TINAG: variants seen among roughly 807,000 people sequenced by gnomAD.
The protein encoded by TINAG is tubulointerstitial nephritis antigen.
In TINAG, 83 loss-of-function variants were observed where a neutral mutation model predicts 72.7. That is an observed-to-expected ratio of 1.14 (90% CI 0.96 to 1.37). The LOEUF (loss-of-function observed/expected upper bound fraction) is 1.37, where lower values mean the gene tolerates loss of function less well. Ranked by LOEUF, TINAG falls within the 40% of genes most tolerant of loss-of-function variation. The probability of loss-of-function intolerance (pLI) is 0.00; values close to 1 mark genes in which losing one functional copy is unlikely to be tolerated. For synonymous variants in TINAG, 234 were observed against 189.9 expected (o/e 1.23, Z -1.91); for missense variants, 685 against 576.6 (o/e 1.19, Z -1.93).
intron 10 of TINAG, among the ~76,000 whole-genome samples, chr6:54,387,452 A>G (rs1172650351): frequency 6.7e-6 from 1 of 149,044 alleles, no homozygotes; most frequent in Non-Finnish European, 1.5e-5. Context: ...TCCCAGAAAC[A>G]TTATTTTGAG....
intron 5 of TINAG, among the ~76,000 whole-genome samples, chr6:54,346,832 T>C (rs1040272496): frequency 6.6e-6 from 1 of 152,042 alleles, no homozygotes; most frequent in Non-Finnish European, 1.5e-5. Context: ...CCTGGGTAGT[T>C]AAATTAGATT....
Position 54,343,325 on chromosome 6 carries a change from G to A in TINAG, c.724G>A (p.Ala242Thr). 2 of 1,553,028 alleles carry A rather than the reference G, an allele frequency of 1.3e-6. No homozygotes were observed. Among genetic ancestry groups the A allele is most frequent in the Admixed American group, 1.8e-5 (1 of 55,400 alleles). Residue 242 changes from alanine to threonine, a missense_variant, in exon 5 of 11, where the codon GCA becomes ACA. Transcript: ENST00000259782. ...HGPLDQKNCAASWAFSTASVA... is the reference protein window; with the variant it reads ...HGPLDQKNCATSWAFSTASVA... ...CCCATTGGATCAAAAAAATTGTGCT[G>A]CATCCTGGGCATTTTCCACTGCAAG...
At chr6:54,334,595 C>A (rs745463878) in intron 4 of TINAG, among the ~76,000 whole-genome samples, 17 of 152,158 alleles carry the variant, frequency 1.1e-4, no homozygotes, top group Non-Finnish European at 2.4e-4. Flanking sequence ...TAAAGACAGG[C>A]AAATTGAGGT....
chr6:54,313,508 G>A (rs952207726), intron 1 of TINAG, among the ~76,000 whole-genome samples: 3 of 152,070 alleles, frequency 2.0e-5, no homozygotes, highest in African/African-American at 7.2e-5. Flanking sequence ...TTACTATGGA[G>A]CCAACAACTG....
intron 3 of TINAG, among the ~76,000 whole-genome samples, chr6:54,326,399 T>A (rs1469001196): frequency 1.3e-5 from 2 of 152,050 alleles, no homozygotes; most frequent in Non-Finnish European, 2.9e-5. Flanking sequence ...ACCTTGTCAA[T>A]TTCTTTTCAA....
At chr6:54,322,224 C>T (rs937710393) in intron 3 of TINAG, among the ~76,000 whole-genome samples, 1 of 152,132 alleles carries the variant, frequency 6.6e-6, no homozygotes. Flanking sequence ...ACAACAACCA[C>T]TGAAGCCTGG....
chr6:54,376,137 T>C lies in TINAG; in HGVS notation c.1251-4389T>C, dbSNP rs541928143. Among the ~76,000 whole-genome samples the C allele has an allele frequency of 3.9e-5, 6 of 152,270 alleles. No individual in the cohort carries two copies. In the East Asian group the frequency reaches 1.2e-3, roughly 29 times the overall value. Reference sequence around the variant, plus strand: ...TGTCAAGAAGAAATTTCTACTCAACTCTGAACAAAGTCATCTTTGCCTTTG... The same window carrying C: ...TGTCAAGAAGAAATTTCTACTCAACCCTGAACAAAGTCATCTTTGCCTTTG... On this transcript the variant is annotated intron_variant, in intron 9 of 10. Transcript: ENST00000259782.
intron 2 of TINAG, 121 bp from the exon 3 acceptor site, chr6:54,321,176 C>T (rs1253243477): frequency 1.3e-6 from 1 of 771,102 alleles, no homozygotes; most frequent in African/African-American, 1.8e-5. Flanking sequence ...ATCAAATAAC[C>T]ATATGGCTAA....
intron 4 of TINAG, among the ~76,000 whole-genome samples, chr6:54,335,633 GA>G (rs1206497007): frequency 1.3e-5 from 2 of 152,150 alleles, no homozygotes; most frequent in Non-Finnish European, 2.9e-5. Flanking sequence ...GGAAGCTTTG[GA>G]AAGCTATAGC....
chr6:54,321,300 A>T lies in TINAG; in HGVS notation c.423A>T (p.Thr141=). ...TGTAATTGTCATATCTTTGCAGCAC[A>T]TGCTCAGGACAGCAATGGAAATGTT... ...SVIKENCNSC[T]CSGQQWKCSQ... is the part of the protein sequence containing the mutation. Residue 141 remains threonine (T), a synonymous_variant, in exon 3 of 11, where the codon ACA becomes ACT. Coordinates refer to ENST00000259782, the MANE Select transcript of TINAG (RefSeq NM_014464.4). 1 of 1,613,482 alleles carries T rather than the reference A, an allele frequency of 6.2e-7. No homozygotes were observed. The highest frequency in any genetic ancestry group is 8.5e-7 in the Non-Finnish European group (1 of 1,179,616).
chr6:54,310,650 TTC>T (rs1395630441), intron 1 of TINAG, among the ~76,000 whole-genome samples: 1 of 148,956 alleles, frequency 6.7e-6, no homozygotes, highest in African/African-American at 2.5e-5. Flanking sequence ...CTCTCTTTCT[TTC>T]TCTTTCTTTT....
chr6:54,357,340 C>T (rs1386782524), intron 9 of TINAG, among the ~76,000 whole-genome samples: 1 of 151,862 alleles, frequency 6.6e-6, no homozygotes, highest in Non-Finnish European at 1.5e-5. Flanking sequence ...TTCATCCTGG[C>T]TTTAAGTGCC....
intron 1 of TINAG, among the ~76,000 whole-genome samples, chr6:54,314,860 A>C (rs1784336545): frequency 6.6e-6 from 1 of 152,132 alleles, no homozygotes; most frequent in African/African-American, 2.4e-5. Flanking sequence ...GTTTATGTAG[A>C]ATTTATGTTC....
intron 9 of TINAG, among the ~76,000 whole-genome samples, chr6:54,358,948 C>G (rs959178161): frequency 1.3e-5 from 2 of 151,788 alleles, no homozygotes; most frequent in African/African-American, 4.8e-5. Flanking sequence ...TTATGTACTT[C>G]TAAGGGGAAA....
intron 4 of TINAG, among the ~76,000 whole-genome samples, chr6:54,341,467 A>C (rs1192473532): frequency 6.6e-6 from 1 of 152,104 alleles, no homozygotes; most frequent in Non-Finnish European, 1.5e-5. Context: ...TGTTTTTGGC[A>C]CTTTCTTCCA....
chr6:54,343,714 T>C (rs1785056641), intron 5 of TINAG, among the ~76,000 whole-genome samples: 1 of 151,772 alleles, frequency 6.6e-6, no homozygotes, highest in Admixed American at 6.6e-5. Context: ...CACACCCACG[T>C]AATCCTCATA....
intron 1 of TINAG, among the ~76,000 whole-genome samples, chr6:54,314,078 A>G (rs943885420): frequency 2.0e-5 from 3 of 152,206 alleles, no homozygotes; most frequent in African/African-American, 7.2e-5. Context: ...TGTGACTTGT[A>G]TGCCACATGT....
At chr6:54,376,845 A>G (rs1749478085) in intron 9 of TINAG, among the ~76,000 whole-genome samples, 2 of 152,146 alleles carry the variant, frequency 1.3e-5, no homozygotes, top group African/African-American at 4.8e-5. Context: ...GGGCATATAA[A>G]ATAAATCCTG....
chr6:54,366,755 G>GA (rs1238577388), intron 9 of TINAG, among the ~76,000 whole-genome samples: 1 of 151,540 alleles, frequency 6.6e-6, no homozygotes, highest in Non-Finnish European at 1.5e-5. Flanking sequence ...AGGTTGCCAG[G>GA]AAAAAATGAC....
Sources: allele counts gnomAD v4.1 joint callset (sites outside exome capture counted in the v4.1 genomes callset), GRCh38; gene constraint gnomAD v4.1.1; transcripts MANE v1.5; gene names NCBI Gene and HGNC (gene_info 2026-07-23, HGNC 2026-07-21).